SNTG1: variants seen among roughly 807,000 people sequenced by gnomAD.
SNTG1 encodes the protein syntrophin gamma 1.
A neutral mutation model predicts 74.7 loss-of-function variants in SNTG1; 39 were observed. The ratio of observed to expected loss-of-function variants is 0.52; its 90% confidence interval spans 0.40 to 0.68. SNTG1 has a LOEUF of 0.68. Among genes scored for constraint, SNTG1 ranks in the 30% least tolerant of loss-of-function variants. SNTG1 has a pLI of 0.00. For synonymous variants in SNTG1, 254 were observed against 217.1 expected, an observed-to-expected ratio of 1.17 and a Z score of -1.49; for missense variants, 685 against 609.5, an observed-to-expected ratio of 1.12 and a Z score of -1.30.
chr8:50,033,546 A>G (rs948659787), intron 1 of SNTG1, among the ~76,000 whole-genome samples: 1 of 152,162 alleles, frequency 6.6e-6, no homozygotes, highest in African/African-American at 2.4e-5. Flanking sequence ...ATTTTCTCTC[A>G]CTTCTGGAGG....
chr8:50,165,662 T>A (rs1449078665), intron 1 of SNTG1, among the ~76,000 whole-genome samples: 2 of 152,206 alleles, frequency 1.3e-5, no homozygotes, highest in Non-Finnish European at 2.9e-5. Flanking sequence ...TTTATTTTCC[T>A]TCTTCAGTGA....
At chr8:49,979,640 G>C (rs1392692875) in intron 1 of SNTG1, among the ~76,000 whole-genome samples, 4 of 152,122 alleles carry the variant, frequency 2.6e-5, no homozygotes, top group African/African-American at 4.8e-5. Context: ...TCGCGCTCTA[G>C]GGCCATTGCA....
chr8:50,506,388 T>A (rs1585500063), intron 9 of SNTG1, among the ~76,000 whole-genome samples: 1 of 152,088 alleles, frequency 6.6e-6, no homozygotes, highest in Non-Finnish European at 1.5e-5. Context: ...AATAATACCA[T>A]AGAGATTTTG....
At chr8:49,934,851 A>G (rs1234742973) in intron 1 of SNTG1, among the ~76,000 whole-genome samples, 1 of 152,006 alleles carries the variant, frequency 6.6e-6, no homozygotes, top group Non-Finnish European at 1.5e-5. Flanking sequence ...AAATAGCTCA[A>G]ATGGGATAGG....
chr8:50,675,068 G>A (rs1229422406), intron 15 of SNTG1, among the ~76,000 whole-genome samples: 1 of 152,052 alleles, frequency 6.6e-6, no homozygotes, highest in African/African-American at 2.4e-5. Flanking sequence ...ATTTTCTCAT[G>A]AGTGTCTTAC....
At chr8:50,115,378 C>A (rs185891708) in intron 1 of SNTG1, among the ~76,000 whole-genome samples, 1 of 151,814 alleles carries the variant, frequency 6.6e-6, no homozygotes, top group East Asian at 2.0e-4. Flanking sequence ...ATCAGCCTGG[C>A]TAACATGGTG....
At chr8:50,689,175 A>T (rs1563745814) in intron 15 of SNTG1, among the ~76,000 whole-genome samples, 1 of 152,042 alleles carries the variant, frequency 6.6e-6, no homozygotes, top group Middle Eastern at 3.4e-3. Flanking sequence ...TTTTCTAGAT[A>T]TACAATCCTG....
At chr8:50,067,357 A>C (rs1004045948) in intron 1 of SNTG1, among the ~76,000 whole-genome samples, 6 of 152,168 alleles carry the variant, frequency 3.9e-5, no homozygotes, top group Non-Finnish European at 8.8e-5. Flanking sequence ...TTCTGAACCT[A>C]ATTTAACTTT....
At chr8:50,156,212 T>C (rs1010963095) in intron 1 of SNTG1, among the ~76,000 whole-genome samples, 4 of 152,058 alleles carry the variant, frequency 2.6e-5, no homozygotes, top group Non-Finnish European at 5.9e-5. Context: ...GAAACAATTA[T>C]ACAAAACTTA....
chr8:50,238,953 C>A (rs2086045179), intron 2 of SNTG1, among the ~76,000 whole-genome samples: 1 of 152,120 alleles, frequency 6.6e-6, no homozygotes, highest in African/African-American at 2.4e-5. Flanking sequence ...TACCATCTCA[C>A]ACCAGTGAGA....
intron 15 of SNTG1, among the ~76,000 whole-genome samples, chr8:50,662,937 G>T (rs2131301760): frequency 6.6e-6 from 1 of 152,144 alleles, no homozygotes; most frequent in Admixed American, 6.5e-5. Flanking sequence ...CACTCCACTA[G>T]GTATTAAGGA....
At chr8:50,006,318 G>C (rs1008758070) in intron 1 of SNTG1, among the ~76,000 whole-genome samples, 2 of 151,984 alleles carry the variant, frequency 1.3e-5, no homozygotes, top group East Asian at 3.9e-4. Context: ...ATTTTCATTT[G>C]TTTCCAGAGA....
intron 2 of SNTG1, among the ~76,000 whole-genome samples, chr8:50,187,347 C>T (rs1471973471): frequency 6.6e-6 from 1 of 151,984 alleles, no homozygotes; most frequent in Non-Finnish European, 1.5e-5. Flanking sequence ...GAACAGAGAC[C>T]TCAGAAATAA....
At chr8:50,310,327 A>G (rs1452687252) in intron 2 of SNTG1, among the ~76,000 whole-genome samples, 1 of 152,244 alleles carries the variant, frequency 6.6e-6, no homozygotes, top group Non-Finnish European at 1.5e-5. Flanking sequence ...AAAATTGCAG[A>G]AATGCATCCT....
intron 1 of SNTG1, among the ~76,000 whole-genome samples, chr8:50,153,315 T>C (rs2082136278): frequency 6.6e-6 from 1 of 152,216 alleles, no homozygotes; most frequent in Non-Finnish European, 1.5e-5. Context: ...TCTATTCTTT[T>C]TTCAAGGTTT....
At chr8:50,626,262 G>T (rs2094955477) in intron 13 of SNTG1, among the ~76,000 whole-genome samples, 1 of 152,130 alleles carries the variant, frequency 6.6e-6, no homozygotes, top group African/African-American at 2.4e-5. Context: ...ATTTGTTGCA[G>T]GCAGTTACTG....
chr8:50,083,593 T>C (rs1421390850), intron 1 of SNTG1, among the ~76,000 whole-genome samples: 2 of 152,212 alleles, frequency 1.3e-5, no homozygotes, highest in Admixed American at 6.5e-5. Flanking sequence ...CAAAATATTT[T>C]TTCACTAACA....
At chr8:50,624,743 C>T (rs2094945776) in intron 13 of SNTG1, among the ~76,000 whole-genome samples, 1 of 152,170 alleles carries the variant, frequency 6.6e-6, no homozygotes, top group Admixed American at 6.6e-5. Context: ...TGCACTTTCA[C>T]AACTAACTCC....
intron 13 of SNTG1, among the ~76,000 whole-genome samples, chr8:50,599,391 T>C (rs2094756121): frequency 6.6e-6 from 1 of 152,122 alleles, no homozygotes; most frequent in Non-Finnish European, 1.5e-5. Context: ...TTTCTATTTA[T>C]GTAAAGAATG....
Sources: gnomAD v4.1 joint callset for allele counts (sites outside exome capture counted in the v4.1 genomes callset) on GRCh38, gnomAD v4.1.1 for gene constraint, MANE v1.5 for transcripts, NCBI Gene and HGNC (gene_info 2026-07-23, HGNC 2026-07-21) for gene names.